Variants in ADGRB3 observed in about 807,000 individuals in gnomAD.
The protein encoded by ADGRB3 is adhesion G protein-coupled receptor B3, also known as brain-specific angiogenesis inhibitor 3.
Under a neutral mutation model 193.4 loss-of-function variants are expected in ADGRB3, and 37 were observed. The ratio of observed to expected loss-of-function variants is 0.19; its 90% CI spans 0.15 to 0.25. The LOEUF is 0.25. Ranked by LOEUF, ADGRB3 falls within the 10% of genes least tolerant of loss-of-function variation. The pLI is 1.00. For synonymous variants in ADGRB3, 690 were observed against 644.2 expected (o/e 1.07, Z -1.08); for missense variants, 1,637 against 1,852.9 (o/e 0.88, Z 2.14).
intron 3 of ADGRB3, among the ~76,000 whole-genome samples, chr6:68,664,984 A>G (rs1179195469): frequency 1.3e-5 from 2 of 151,714 alleles, no homozygotes; most frequent in Non-Finnish European, 2.9e-5. Context: ...TTTGGTGTTC[A>G]TGTACTGTGT....
At chr6:69,093,102 G>A (rs974903188) in intron 17 of ADGRB3, among the ~76,000 whole-genome samples, 2 of 151,618 alleles carry the variant, frequency 1.3e-5, no homozygotes, top group African/African-American at 2.4e-5. Context: ...GTTCAAGGAA[G>A]AGCGGGGTGG....
intron 17 of ADGRB3, among the ~76,000 whole-genome samples, chr6:69,209,132 G>T (rs1256192495): frequency 6.6e-6 from 1 of 152,142 alleles, no homozygotes; most frequent in Non-Finnish European, 1.5e-5. Flanking sequence ...TGGCTCGTAT[G>T]GACCAAGTGG....
chr6:69,097,412 C>G (rs1772913804), intron 17 of ADGRB3, among the ~76,000 whole-genome samples: 1 of 152,034 alleles, frequency 6.6e-6, no homozygotes, highest in African/African-American at 2.4e-5. Flanking sequence ...TTTTGGTGAT[C>G]TTTGAGGATT....
intron 3 of ADGRB3, among the ~76,000 whole-genome samples, chr6:68,926,448 T>A (rs1411637036): frequency 6.6e-6 from 1 of 152,124 alleles, no homozygotes; most frequent in Non-Finnish European, 1.5e-5. Flanking sequence ...GAAAAGCAGG[T>A]GTTTTAAGTT....
chr6:69,006,454 T>G (rs1296395765), intron 11 of ADGRB3, among the ~76,000 whole-genome samples: 1 of 152,124 alleles, frequency 6.6e-6, no homozygotes, highest in East Asian at 1.9e-4. Context: ...TTTACCTAGT[T>G]AAAAGAATGG....
chr6:68,725,250 T>C, intron 3 of ADGRB3, among the ~76,000 whole-genome samples: 1 of 151,664 alleles, frequency 6.6e-6, no homozygotes, highest in East Asian at 1.9e-4. Context: ...TGTTAGAGGA[T>C]ATATTGAGAA....
intron 15 of ADGRB3, among the ~76,000 whole-genome samples, chr6:69,062,381 G>A (rs1256507948): frequency 1.3e-5 from 2 of 151,874 alleles, no homozygotes; most frequent in African/African-American, 4.8e-5. Flanking sequence ...AGATCAAGCA[G>A]TGGCCTGTCA....
chr6:69,101,847 G>GA (rs557889158), intron 17 of ADGRB3, among the ~76,000 whole-genome samples: 72 of 152,148 alleles, frequency 4.7e-4, no homozygotes, highest in Admixed American at 1.2e-3. Flanking sequence ...AATAGGATTT[G>GA]AACTCAAACA....
intron 15 of ADGRB3, among the ~76,000 whole-genome samples, chr6:69,061,698 A>G (rs1480664214): frequency 3.0e-5 from 2 of 66,296 alleles, no homozygotes; most frequent in Non-Finnish European, 7.7e-5. Flanking sequence ...TATTTGTACC[A>G]TACAATATTA....
intron 3 of ADGRB3, among the ~76,000 whole-genome samples, chr6:68,740,485 A>G (rs1765957666): frequency 6.6e-6 from 1 of 152,202 alleles, no homozygotes; most frequent in Non-Finnish European, 1.5e-5. Flanking sequence ...TTAAGAAAAA[A>G]ACATCAATTT....
At chr6:69,215,508 C>T (rs1765757050) in intron 17 of ADGRB3, among the ~76,000 whole-genome samples, 1 of 151,090 alleles carries the variant, frequency 6.6e-6, no homozygotes, top group Admixed American at 6.6e-5. Context: ...AGATATATCT[C>T]TATAGATAAT....
chr6:68,881,081 G>A (rs1765717249), intron 3 of ADGRB3, among the ~76,000 whole-genome samples: 2 of 151,906 alleles, frequency 1.3e-5, no homozygotes, highest in African/African-American at 4.8e-5. Context: ...GCTCTAGGAG[G>A]GCTAATAGGA....
chr6:69,040,305 G>T (rs1206732946), intron 13 of ADGRB3, among the ~76,000 whole-genome samples: 6 of 106,828 alleles, frequency 5.6e-5, no homozygotes, highest in African/African-American at 1.2e-4. Flanking sequence ...TCCTTTCTCT[G>T]TCTCTTTCTT....
At chr6:68,880,866 A>C (rs1324412951) in intron 3 of ADGRB3, among the ~76,000 whole-genome samples, 1 of 152,178 alleles carries the variant, frequency 6.6e-6, no homozygotes, top group African/African-American at 2.4e-5. Context: ...TTCTCATATA[A>C]ATGTATTTCT....
intron 17 of ADGRB3, among the ~76,000 whole-genome samples, chr6:69,203,834 G>A (rs867902806): frequency 1.2e-4 from 19 of 152,004 alleles, no homozygotes; most frequent in African/African-American, 3.1e-4. Context: ...CTAAAATTTC[G>A]TCTATGAGTA....
rs1339886994 is a variant in ADGRB3, at chr6:69,049,344, G to T, written c.2331G>T (p.Leu777Phe). Residue 777 changes from leucine to phenylalanine, a missense_variant and splice_region_variant, in exon 15 of 32, where the codon TTG becomes TTT. Coordinates refer to ENST00000370598, the MANE Select transcript of ADGRB3 (RefSeq NM_001704.3). ...ACTTAGATCTAATTTTGCCCACTTTGAGGTAAGCTACAAAGTAATAAACTG... is the reference window on the plus strand; with the variant it reads ...ACTTAGATCTAATTTTGCCCACTTTTAGGTAAGCTACAAAGTAATAAACTG... ...YKNLDLILPT[L>F]RNYTVINSKI... 1.9e-6 allele frequency: 3 copies of T among 1,599,078 alleles called. No homozygotes were observed. The highest frequency in any genetic ancestry group is 3.4e-5 in the Admixed American group (2 of 59,424).
At chr6:68,987,217 A>G (rs144703498) in intron 10 of ADGRB3, among the ~76,000 whole-genome samples, 1 of 152,298 alleles carries the variant, frequency 6.6e-6, no homozygotes, top group East Asian at 1.9e-4. Context: ...AATTATTTCC[A>G]TGATTAAATT....
At chr6:69,290,770 C>T (rs1476513302) in intron 20 of ADGRB3, among the ~76,000 whole-genome samples, 2 of 152,138 alleles carry the variant, frequency 1.3e-5, no homozygotes, top group Admixed American at 6.6e-5. Context: ...AGCAGTATCA[C>T]AGACAGAATG....
At chr6:69,165,032 C>T (rs541114873) in intron 17 of ADGRB3, among the ~76,000 whole-genome samples, 61 of 151,968 alleles carry the variant, frequency 4.0e-4, no homozygotes, top group African/African-American at 1.4e-3. Flanking sequence ...TTCACACAGT[C>T]TCCTTACTGC....
Sources: gnomAD v4.1 joint callset for allele counts (sites outside exome capture counted in the v4.1 genomes callset) on GRCh38, gnomAD v4.1.1 for gene constraint, MANE v1.5 for transcripts, NCBI Gene and HGNC (gene_info 2026-07-23, HGNC 2026-07-21) for gene names.